Variants in C1QTNF7 observed in about 807,000 individuals in gnomAD.
C1QTNF7 encodes C1q and TNF related 7, also known as complement C1q tumor necrosis factor-related protein 7.
Under a neutral mutation model 19.6 loss-of-function variants are expected in C1QTNF7, and 15 were observed. The observed-to-expected ratio is 0.76, with a 90% confidence interval of 0.51 to 1.18. C1QTNF7 has a LOEUF of 1.18. Ranked by LOEUF, C1QTNF7 falls within the 50% of genes most tolerant of loss-of-function variation. The pLI is 0.00. For missense variants in C1QTNF7, 324 were observed against 359.7 expected, an observed-to-expected ratio of 0.90 and a Z score of 0.80; for synonymous variants, 142 against 137.5, an observed-to-expected ratio of 1.03 and a Z score of -0.23.
In C1QTNF7 at chr4:15,383,150, C is replaced by T. The variant is rs118033573; in HGVS notation, c.13+42943C>T. Among the ~76,000 whole-genome samples the T allele has an allele frequency of 1.3e-3, 200 of 152,256 alleles. 4 individuals carry two copies. The East Asian group carries it at 0.037, about 28-fold the overall frequency. On this transcript the variant is annotated intron_variant, in intron 1 of 2. Transcript: ENST00000295297. ...CTGTACCCACATGTACTCAGGAACT[C>T]CAAGGCAGCAGACACTATGCAAACC...
chr4:15,377,221 G>A (rs1717973098), intron 1 of C1QTNF7, among the ~76,000 whole-genome samples: 2 of 152,188 alleles, frequency 1.3e-5, no homozygotes, highest in African/African-American at 4.8e-5. Context: ...TCCTGATAGA[G>A]ATGAGAAATT....
chr4:15,392,711 C>T (rs909659852), intron 1 of C1QTNF7, among the ~76,000 whole-genome samples: 3 of 152,212 alleles, frequency 2.0e-5, no homozygotes, highest in Non-Finnish European at 4.4e-5. Flanking sequence ...TCTGTTTTGC[C>T]TCCCTGTGGG....
chr4:15,354,426 G>A (rs967939597), intron 1 of C1QTNF7, among the ~76,000 whole-genome samples: 2 of 152,102 alleles, frequency 1.3e-5, no homozygotes, highest in Non-Finnish European at 2.9e-5. Flanking sequence ...GACCATGTGT[G>A]GGGGAGGTAC....
At chr4:15,352,921 G>C (rs775035572) in intron 1 of C1QTNF7, among the ~76,000 whole-genome samples, 5 of 152,114 alleles carry the variant, frequency 3.3e-5, no homozygotes, top group African/African-American at 4.8e-5. Context: ...GTGTCCATTT[G>C]CAAGCAATAT....
At chr4:15,340,293 G>A (rs1716494495) in intron 1 of C1QTNF7, 1 of 1,463,106 alleles carries the variant, frequency 6.8e-7, no homozygotes, top group Non-Finnish European at 9.3e-7. Flanking sequence ...ACTTAAGAAA[G>A]CTCCTTGTAA....
At chr4:15,422,984 G>A (rs944586960) in intron 1 of C1QTNF7, among the ~76,000 whole-genome samples, 4 of 152,282 alleles carry the variant, frequency 2.6e-5, no homozygotes, top group Middle Eastern at 3.4e-3. Context: ...AAAGTATTAT[G>A]ATCTGGGATA....
In C1QTNF7 at chr4:15,340,045, A is replaced by G. The variant is rs114223167; in HGVS notation, c.-150A>G. 1,990 of 958,226 alleles carry G rather than the reference A, an allele frequency of 2.1e-3. 37 individuals are homozygous for G. In the African/African-American group the frequency reaches 0.029, roughly 14 times the overall value. The allele number at this position is 958,226 out of a possible 1,614,324, so 59.4% of individuals were successfully genotyped here. On this transcript the variant is annotated 5_prime_UTR_variant, in exon 1 of 3. Coordinates refer to the C1QTNF7 transcript ENST00000295297. ...ATTCTCATGCTCAGACGAGCACTTT[A>G]TTTTTCATCAAGTTATTTTTTGCAT...
At chr4:15,438,592 C>A (rs758730896) in intron 2 of C1QTNF7, among the ~76,000 whole-genome samples, 2 of 152,182 alleles carry the variant, frequency 1.3e-5, no homozygotes, top group Admixed American at 6.5e-5. Flanking sequence ...ATCTGTCTCC[C>A]TCACTGGTCT....
Position 15,442,563 on chromosome 4 carries a change from C to A in C1QTNF7, c.634C>A (p.His212Asn). 1 of 1,614,212 alleles carries A rather than the reference C, an allele frequency of 6.2e-7. No homozygotes were observed. Among genetic ancestry groups the A allele is most frequent in the Non-Finnish European group, 8.5e-7 (1 of 1,180,038 alleles). ...TAAGCATCTGGCAATCGGACTGGTA[C>A]ACAATGGGCAATACCGGATAAAGAC... Reference protein sequence around the residue: ...ANKHLAIGLVHNGQYRIKTFD... With the variant: ...ANKHLAIGLVNNGQYRIKTFD... Residue 212 changes from histidine to asparagine, a missense_variant, in exon 3 of 3, where the codon CAC (histidine) becomes AAC (asparagine). Transcript: ENST00000444304.
intron 1 of C1QTNF7, among the ~76,000 whole-genome samples, chr4:15,365,520 C>T (rs1717483372): frequency 6.6e-6 from 1 of 152,164 alleles, no homozygotes; most frequent in African/African-American, 2.4e-5. Context: ...AATAACAGAG[C>T]TCATGTATGT....
intron 1 of C1QTNF7, among the ~76,000 whole-genome samples, chr4:15,377,883 C>A (rs1235707270): frequency 6.6e-6 from 1 of 152,140 alleles, no homozygotes; most frequent in Non-Finnish European, 1.5e-5. Flanking sequence ...ACCTAAGAAA[C>A]AAGAGTTCCT....
chr4:15,435,585 A>T, intron 1 of C1QTNF7, 151 bp from the exon 2 acceptor site: 1 of 1,084,416 alleles, frequency 9.2e-7, no homozygotes, highest in Non-Finnish European at 1.3e-6. Flanking sequence ...TGGAATTATG[A>T]AGGTAAACAG....
At chr4:15,412,425 C>G (rs558146699) in intron 1 of C1QTNF7, among the ~76,000 whole-genome samples, 6 of 152,054 alleles carry the variant, frequency 3.9e-5, no homozygotes, top group African/African-American at 1.4e-4. Flanking sequence ...TTTTCTGGCA[C>G]AGGGCTTCTT....
chr4:15,436,011 C>T (rs753304205), intron 2 of C1QTNF7, 30 bp downstream of exon 2: 9 of 1,595,230 alleles, frequency 5.6e-6, no homozygotes, highest in Middle Eastern at 3.8e-4. Context: ...ATAAAACACC[C>T]TCCTTCACCC....
intron 1 of C1QTNF7, among the ~76,000 whole-genome samples, chr4:15,420,873 A>G (rs1459748411): frequency 8.6e-6 from 1 of 115,792 alleles, no homozygotes; most frequent in African/African-American, 3.3e-5. Context: ...CTCAGTGCTC[A>G]GCTTTCCTCC....
Position 15,420,826 on chromosome 4 carries a change from CTTTTTTT to C in C1QTNF7, c.14-14887_14-14881del, listed in dbSNP as rs61609914. ...CTAGGGTAACATTCCACTGCTTTGTCTTTTTTTTTTTTTTTTTTTTTTTTTTTTTACC... is the reference window on the plus strand; with the variant it reads ...CTAGGGTAACATTCCACTGCTTTGTCTTTTTTTTTTTTTTTTTTTTTTACC... On this transcript the variant is annotated intron_variant, in intron 1 of 2. Transcript: ENST00000295297. 6.9e-4 allele frequency among the ~76,000 whole-genome samples: 46 copies of C among 66,244 alleles called. 1 individual carries two copies. The highest frequency in any genetic ancestry group is 2.1e-3 in the African/African-American group (34 of 16,200). 43.5% of individuals were successfully genotyped at this position (66,244 alleles called of 152,430 possible).
intron 1 of C1QTNF7, among the ~76,000 whole-genome samples, chr4:15,343,943 G>C (rs1716632060): frequency 6.6e-6 from 1 of 152,238 alleles, no homozygotes; most frequent in South Asian, 2.1e-4. Context: ...CTAAGTGGCA[G>C]AGTAAGGTTT....
chr4:15,413,876 A>G (rs1166999756), intron 1 of C1QTNF7, among the ~76,000 whole-genome samples: 3 of 152,206 alleles, frequency 2.0e-5, no homozygotes, highest in Admixed American at 6.5e-5. Context: ...TTTAGTTCCA[A>G]TCCTCTCAAA....
intron 1 of C1QTNF7, among the ~76,000 whole-genome samples, chr4:15,408,714 G>A (rs1719294965): frequency 6.6e-6 from 1 of 152,064 alleles, no homozygotes; most frequent in Non-Finnish European, 1.5e-5. Flanking sequence ...TACCTGAACT[G>A]GTCCAATCAG....
Sources: allele counts gnomAD v4.1 joint callset (sites outside exome capture counted in the v4.1 genomes callset), GRCh38; gene constraint gnomAD v4.1.1; transcripts MANE v1.5; gene names NCBI Gene and HGNC (gene_info 2026-07-23, HGNC 2026-07-21).